The following CPM variants were observed in gnomAD, a reference collection of about 807,000 sequenced individuals.
CPM encodes renal carboxypeptidase.
A neutral mutation model predicts 46.4 loss-of-function variants in CPM; 35 were observed. The ratio of observed to expected loss-of-function variants is 0.75; its 90% confidence interval spans 0.58 to 1.00. The LOEUF (loss-of-function observed/expected upper bound fraction) is 1.00, where lower values mean the gene tolerates loss of function less well. Ranked by LOEUF, CPM falls within the 50% of genes least tolerant of loss-of-function variation. CPM has a pLI of 0.00. For missense variants in CPM, 422 were observed against 530.4 expected (o/e 0.80, Z 2.01); for synonymous variants, 195 against 195.3 (o/e 1.00, Z 0.01).
intron 1 of CPM, among the ~76,000 whole-genome samples, chr12:68,939,969 G>A (rs750492505): frequency 6.6e-6 from 1 of 151,616 alleles, no homozygotes; most frequent in Non-Finnish European, 1.5e-5. Context: ...AATAGCTTTT[G>A]CTCATTTTTC....
At chr12:68,891,207 C>A (rs1296812693) in intron 2 of CPM, among the ~76,000 whole-genome samples, 1 of 152,250 alleles carries the variant, frequency 6.6e-6, no homozygotes, top group Non-Finnish European at 1.5e-5. Context: ...CTATACCCCA[C>A]ACACAAGAAG....
Position 68,933,135 on chromosome 12 carries a change from G to A in CPM, c.-4+7C>T, listed in dbSNP as rs183826092. On this transcript the variant is annotated splice_region_variant and intron_variant, in intron 1 of 8. Transcript: ENST00000551568. Reference sequence around the variant, plus strand: ...CTGCGCCCGGCCCCGCGCACCCCCAGCCTCACCAGGTCCCAGGCGCGCACC... The same window carrying A: ...CTGCGCCCGGCCCCGCGCACCCCCAACCTCACCAGGTCCCAGGCGCGCACC... 1,059 of 265,684 alleles carry A rather than the reference G, an allele frequency of 4.0e-3. 3 individuals carry two copies. The highest frequency in any genetic ancestry group is 5.8e-3 in the Non-Finnish European group (811 of 139,942). The allele number at this position is 265,684 out of a possible 1,614,324, so 16.5% of individuals were successfully genotyped here.
chr12:68,890,194 G>A (rs1398891405), intron 2 of CPM, among the ~76,000 whole-genome samples: 1 of 152,060 alleles, frequency 6.6e-6, no homozygotes, highest in Admixed American at 6.5e-5. Context: ...TTATGATTGT[G>A]CCACTGCACT....
intron 3 of CPM, among the ~76,000 whole-genome samples, chr12:68,876,369 A>C (rs1215644380): frequency 1.3e-5 from 2 of 152,256 alleles, no homozygotes; most frequent in African/African-American, 4.8e-5. Flanking sequence ...CCTCTGTAAC[A>C]GCAGATTTAT....
intron 2 of CPM, 101 bp downstream of exon 2, chr12:68,932,576 GA>G: frequency 7.3e-7 from 1 of 1,369,202 alleles, no homozygotes; most frequent in South Asian, 1.3e-5. Context: ...GTGCCACTCA[GA>G]GTAGGTGCGT....
At chr12:68,936,643 C>G (rs1256428222), upstream of CPM, among the ~76,000 whole-genome samples, 1 of 152,166 alleles carries the variant, frequency 6.6e-6, no homozygotes, top group African/African-American at 2.4e-5. Flanking sequence ...CTCAGCCTCC[C>G]AGAGTGCTGG....
intron 3 of CPM, among the ~76,000 whole-genome samples, chr12:68,876,681 G>A (rs979828096): frequency 3.3e-5 from 5 of 152,134 alleles, no homozygotes; most frequent in African/African-American, 4.8e-5. Flanking sequence ...TCCTTCATCC[G>A]GTGGTTAAAA....
upstream of CPM, among the ~76,000 whole-genome samples, chr12:68,937,203 G>A (rs954000124): frequency 6.6e-6 from 1 of 152,182 alleles, no homozygotes; most frequent in South Asian, 2.1e-4. Flanking sequence ...ATTTGAAGAT[G>A]TGTTGAGTTT....
In CPM at chr12:68,853,914, A is replaced by G. The variant is rs187287091; in HGVS notation, c.*2523T>C. The stretch of plus-strand genomic sequence containing the variant: ...GCTATTTTTTTTTTCTTTTCTGTTT[A>G]GTGCTTTACCCCTTAATTCTTATAG... On this transcript the variant is annotated 3_prime_UTR_variant, in exon 9 of 9. Transcript: ENST00000551568. 2.0e-5 allele frequency: 3 copies of G among 151,458 alleles called. No individual in the cohort carries two copies. Among genetic ancestry groups the G allele is most frequent in the Admixed American group, 2.0e-4 (3 of 15,208 alleles). The allele number at this position is 151,458 out of a possible 1,614,324, so 9.4% of individuals were successfully genotyped here.
rs1458690703 is a variant in CPM, at chr12:68,891,803, C to A, written c.161-5914G>T. On this transcript the variant is annotated intron_variant, in intron 2 of 8. Coordinates refer to ENST00000551568, the MANE Select transcript of CPM (RefSeq NM_198320.5). ...CCAGGCTGGAGTGCATTAGAGTAATCGCGGCTCACTGCAGCCTCCACTTCC... is the reference window on the plus strand; with the variant it reads ...CCAGGCTGGAGTGCATTAGAGTAATAGCGGCTCACTGCAGCCTCCACTTCC... Among the ~76,000 whole-genome samples, 5 of 152,100 alleles carry A rather than the reference C, an allele frequency of 3.3e-5. No homozygotes were observed. The East Asian group carries it at 9.7e-4, about 29-fold the overall frequency.
intron 1 of CPM, among the ~76,000 whole-genome samples, chr12:68,941,170 C>CGTGTGTGTGTGTGTGTGT (rs370705580): frequency 1.4e-5 from 2 of 140,600 alleles, no homozygotes; most frequent in East Asian, 2.1e-4. Flanking sequence ...GTGCTGAGTA[C>CGTGTGTGTGTGTGTGTGT]GTGTGTGTGT....
At chr12:68,912,618 G>A (rs1267847006) in intron 2 of CPM, among the ~76,000 whole-genome samples, 2 of 152,116 alleles carry the variant, frequency 1.3e-5, no homozygotes, top group African/African-American at 4.8e-5. Flanking sequence ...CATGACCTAT[G>A]AGCCCACTGA....
At chr12:68,940,881 T>G (rs1888748962) in intron 1 of CPM, among the ~76,000 whole-genome samples, 1 of 152,136 alleles carries the variant, frequency 6.6e-6, no homozygotes, top group Non-Finnish European at 1.5e-5. Flanking sequence ...TGTTTCTAAG[T>G]GTACAGTGCA....
In CPM at chr12:68,856,674, T is replaced by A. The variant is rs1257309490; in HGVS notation, c.1095A>T (p.Thr365=). ...TGATGTGTGGATCATGTCCAGGGAC[T>A]GTAACCTGAGAAGAAACAAGAGACA... ...LLPGSYIINV[T]VPGHDPHITK... is the part of the protein sequence containing the mutation. The change falls in exon 9 of 9, where the codon ACA becomes ACT. Residue 365 remains threonine, a synonymous_variant. Transcript: ENST00000551568. 6.2e-7 allele frequency: 1 copy of A among 1,613,420 alleles called. No homozygotes were observed. The highest frequency in any genetic ancestry group is 1.1e-5 in the South Asian group (1 of 91,062).
intron 2 of CPM, among the ~76,000 whole-genome samples, chr12:68,912,492 A>C (rs1462789134): frequency 1.3e-5 from 2 of 152,156 alleles, no homozygotes; most frequent in Non-Finnish European, 2.9e-5. Context: ...TTAGAAACCT[A>C]TATCTAAAAT....
chr12:68,869,526 A>C, intron 5 of CPM, 31 bp from the exon 6 acceptor site: 3 of 1,575,138 alleles, frequency 1.9e-6, no homozygotes, highest in Non-Finnish European at 2.6e-6. Context: ...AAGACCTTTA[A>C]ACTGACTTGA....
chr12:68,881,532 AC>A (rs1192922299), intron 3 of CPM, among the ~76,000 whole-genome samples: 10 of 151,608 alleles, frequency 6.6e-5, no homozygotes, highest in Admixed American at 2.6e-4. Flanking sequence ...ATTTATTGGT[AC>A]AAAAAGGTAG....
At chr12:68,842,484 T>G in intron 5 of CPM, 1 of 398,778 alleles carries the variant, frequency 2.5e-6, no homozygotes. Flanking sequence ...TTATATAAGG[T>G]CACTCCGATG....
At chr12:68,956,436 C>G (rs901996655) in intron 1 of CPM, among the ~76,000 whole-genome samples, 4 of 152,214 alleles carry the variant, frequency 2.6e-5, no homozygotes, top group Non-Finnish European at 4.4e-5. Flanking sequence ...CTCCATGGAG[C>G]CTGCTGCCCC....
Sources: gnomAD v4.1 joint callset for allele counts (sites outside exome capture counted in the v4.1 genomes callset) on GRCh38, gnomAD v4.1.1 for gene constraint, MANE v1.5 for transcripts, NCBI Gene and HGNC (gene_info 2026-07-23, HGNC 2026-07-21) for gene names.